Variants in BMPR1B observed in about 807,000 individuals in gnomAD.
BMPR1B encodes the protein bone morphogenetic protein receptor type 1B, also known as bone morphogenetic protein receptor type-1B.
A neutral mutation model predicts 59.1 loss-of-function variants in BMPR1B; 12 were observed. That is an observed-to-expected ratio of 0.20 (90% confidence interval 0.13 to 0.33). The LOEUF is 0.33. BMPR1B is among the 10% of genes least tolerant of loss of function. BMPR1B has a pLI of 1.00. For synonymous variants in BMPR1B, 237 were observed against 207.3 expected, an observed-to-expected ratio of 1.14 and a Z score of -1.23; for missense variants, 550 against 610.9, an observed-to-expected ratio of 0.90 and a Z score of 1.05.
At chr4:94,829,316 A>G (rs1578690085) in intron 1 of BMPR1B, among the ~76,000 whole-genome samples, 1 of 129,600 alleles carries the variant, frequency 7.7e-6, no homozygotes, top group African/African-American at 2.9e-5. Flanking sequence ...TTCAACAATG[A>G]TTTTATTTTC....
chr4:94,789,886 C>T (rs1722909460), intron 1 of BMPR1B, among the ~76,000 whole-genome samples: 2 of 152,052 alleles, frequency 1.3e-5, no homozygotes, highest in African/African-American at 4.8e-5. Context: ...CCTCTGTCAC[C>T]CCTGAGACAG....
chr4:95,021,820 T>G (rs995034336), intron 3 of BMPR1B, among the ~76,000 whole-genome samples: 1 of 152,214 alleles, frequency 6.6e-6, no homozygotes, highest in African/African-American at 2.4e-5. Context: ...CGGAAATAGT[T>G]ACAGACATAC....
At chr4:94,948,081 A>G (rs905037663) in intron 2 of BMPR1B, among the ~76,000 whole-genome samples, 1 of 152,234 alleles carries the variant, frequency 6.6e-6, no homozygotes, top group African/African-American at 2.4e-5. Context: ...GACACACATC[A>G]GACAGGGTGG....
intron 2 of BMPR1B, among the ~76,000 whole-genome samples, chr4:94,877,833 A>T (rs1411785877): frequency 6.6e-6 from 1 of 152,202 alleles, no homozygotes; most frequent in African/African-American, 2.4e-5. Flanking sequence ...AGAATAATTA[A>T]AACAGTATTT....
At chr4:95,094,548 C>A (rs1232519400) in intron 3 of BMPR1B, among the ~76,000 whole-genome samples, 1 of 152,024 alleles carries the variant, frequency 6.6e-6, no homozygotes, top group African/African-American at 2.4e-5. Context: ...TTATTATTGA[C>A]AATTACTATG....
rs910716459 is a variant in BMPR1B, at chr4:94,854,715, T to C, written c.-182-21116T>C. On this transcript the variant is annotated intron_variant, in intron 1 of 12. Transcript: ENST00000515059. ...CTTCGTTTGGGACAGTCTCCTGTAT[T>C]GCAGTAAACCTAGCAAGCCTATTCT... 3.3e-5 allele frequency among the ~76,000 whole-genome samples: 5 copies of C among 152,274 alleles called. No individual in the cohort carries two copies. The South Asian group carries it at 8.3e-4, about 25-fold the overall frequency.
intron 2 of BMPR1B, among the ~76,000 whole-genome samples, chr4:94,901,715 A>G (rs1267652518): frequency 6.6e-6 from 1 of 152,002 alleles, no homozygotes; most frequent in African/African-American, 2.4e-5. Flanking sequence ...AGTTGGCCTG[A>G]ATATGGCAGA....
intron 2 of BMPR1B, among the ~76,000 whole-genome samples, chr4:94,915,755 A>G (rs1226038634): frequency 6.6e-6 from 1 of 152,222 alleles, no homozygotes; most frequent in Non-Finnish European, 1.5e-5. Flanking sequence ...TAATTCCACA[A>G]ATAATCACAA....
intron 1 of BMPR1B, among the ~76,000 whole-genome samples, chr4:94,811,401 A>G (rs1397727400): frequency 6.6e-6 from 1 of 152,180 alleles, no homozygotes; most frequent in East Asian, 1.9e-4. Flanking sequence ...ATTTTTGCCC[A>G]CATCTCATTA....
intron 1 of BMPR1B, among the ~76,000 whole-genome samples, chr4:94,834,950 T>C (rs1444675908): frequency 6.8e-6 from 1 of 148,006 alleles, no homozygotes; most frequent in Non-Finnish European, 1.5e-5. Flanking sequence ...TTGTTTTTTT[T>C]TTTTTTAAAT....
chr4:94,788,654 C>T (rs1286148075), intron 1 of BMPR1B, among the ~76,000 whole-genome samples: 1 of 152,160 alleles, frequency 6.6e-6, no homozygotes, highest in African/African-American at 2.4e-5. Flanking sequence ...TCTTTCTAGG[C>T]AAGTGCAAGT....
chr4:95,039,689 C>T (rs187184083), intron 3 of BMPR1B, among the ~76,000 whole-genome samples: 1 of 152,302 alleles, frequency 6.6e-6, no homozygotes, highest in East Asian at 1.9e-4. Context: ...AGCCTGTGCA[C>T]CACATGCAGC....
At chr4:94,957,419 T>C (rs1019285391) in intron 2 of BMPR1B, among the ~76,000 whole-genome samples, 1 of 151,740 alleles carries the variant, frequency 6.6e-6, no homozygotes, top group African/African-American at 2.4e-5. Context: ...CTTTTTCTTT[T>C]TGTCTTTTCA....
chr4:94,780,713 G>A (rs2457392), intron 1 of BMPR1B, among the ~76,000 whole-genome samples: 1 of 126,096 alleles, frequency 7.9e-6, no homozygotes, highest in African/African-American at 3.1e-5. Context: ...TTTTGAGACA[G>A]AGTCTCGCTC....
rs568709749 is a variant in BMPR1B at position 95,105,444 on chromosome 4, A to G, written c.143+877A>G. On this transcript the variant is annotated intron_variant, in intron 4 of 12. Coordinates refer to ENST00000515059, the MANE Select transcript of BMPR1B (RefSeq NM_001203.3). ...CTGAGCAACCATTTGAGGCTTCATTAGCCAGAAGGTACGCAAAGCTGAGTT... is the reference window on the plus strand; with the variant it reads ...CTGAGCAACCATTTGAGGCTTCATTGGCCAGAAGGTACGCAAAGCTGAGTT... 1.1e-4 allele frequency among the ~76,000 whole-genome samples: 17 copies of G among 152,088 alleles called. No homozygotes were observed. In the East Asian group the frequency reaches 3.1e-3, roughly 28 times the overall value.
In BMPR1B at chr4:95,104,420, A is replaced by G. The variant is rs1481685799; in HGVS notation, c.-5A>G. Reference sequence around the variant, plus strand: ...TTTCTTCTTTCAGCAAACTTCCTTGATAACATGCTTTTGCGAAGTGCAGGA... The same window carrying G: ...TTTCTTCTTTCAGCAAACTTCCTTGGTAACATGCTTTTGCGAAGTGCAGGA... On this transcript the variant is annotated 5_prime_UTR_variant, in exon 4 of 13. Transcript: ENST00000515059. The G allele has an allele frequency of 1.9e-6, 3 of 1,613,038 alleles. No homozygotes were observed. Among genetic ancestry groups the G allele is most frequent in the Admixed American group, 3.3e-5 (2 of 59,816 alleles).
chr4:95,085,000 G>A (rs554744835), intron 3 of BMPR1B, among the ~76,000 whole-genome samples: 5 of 152,160 alleles, frequency 3.3e-5, no homozygotes, highest in South Asian at 4.2e-4. Flanking sequence ...GCTGGTGCCC[G>A]GTTACATGTT....
chr4:94,774,363 G>T (rs1400184666), intron 1 of BMPR1B, among the ~76,000 whole-genome samples: 1 of 151,992 alleles, frequency 6.6e-6, no homozygotes, highest in Non-Finnish European at 1.5e-5. Flanking sequence ...AAAATTTGAG[G>T]TTCTTAAGAA....
At chr4:94,986,997 C>T (rs1721447419) in intron 2 of BMPR1B, among the ~76,000 whole-genome samples, 1 of 147,974 alleles carries the variant, frequency 6.8e-6, no homozygotes, top group Non-Finnish European at 1.5e-5. Context: ...GCCGAGATCG[C>T]GCCACTGCAC....
Sources: gnomAD v4.1 joint callset for allele counts (sites outside exome capture counted in the v4.1 genomes callset) on GRCh38, gnomAD v4.1.1 for gene constraint, MANE v1.5 for transcripts, NCBI Gene and HGNC (gene_info 2026-07-23, HGNC 2026-07-21) for gene names.